DRC10: variants seen among roughly 807,000 people sequenced by gnomAD.
DRC10 encodes dynein regulatory complex subunit 10, also known as IQ domain-containing protein D.
the DRC10 span, among the ~76,000 whole-genome samples, chr12:113,212,702 T>TAA: frequency 8.5e-5 from 13 of 152,356 alleles, no homozygotes; most frequent in Non-Finnish European, 1.6e-4. Context: ...GTGAACAAGA[T>TAA]AAAGCCCGTG....
chr12:113,196,360 G>C, the DRC10 span, among the ~76,000 whole-genome samples: 6 of 149,734 alleles, frequency 4.0e-5, no homozygotes, highest in East Asian at 1.3e-3. Flanking sequence ...CAAGACACCA[G>C]AGGAGAAGGA....
chr12:113,218,799 T>C, the DRC10 span, among the ~76,000 whole-genome samples: 1 of 152,200 alleles, frequency 6.6e-6, no homozygotes, highest in African/African-American at 2.4e-5. Flanking sequence ...CAATTATTAG[T>C]ATTTCATTCC....
chr12:113,198,939 CTT>C, the DRC10 span, among the ~76,000 whole-genome samples: 3 of 148,112 alleles, frequency 2.0e-5, no homozygotes, highest in African/African-American at 4.9e-5. Flanking sequence ...AAAAATGATA[CTT>C]TTTTTTTTTC....
At chr12:113,212,658 G>C in the DRC10 span, among the ~76,000 whole-genome samples, 1 of 152,196 alleles carries the variant, frequency 6.6e-6, no homozygotes, top group South Asian at 2.1e-4. Context: ...CTTTGATTAT[G>C]ATGACACCCA....
At chr12:113,220,146 A>G in the DRC10 span, among the ~76,000 whole-genome samples, 1 of 151,972 alleles carries the variant, frequency 6.6e-6, no homozygotes, top group Non-Finnish European at 1.5e-5. Context: ...TAATCATCAC[A>G]AGAAACTCTC....
the DRC10 span, among the ~76,000 whole-genome samples, chr12:113,216,879 A>C: frequency 6.6e-6 from 1 of 152,048 alleles, no homozygotes; most frequent in African/African-American, 2.4e-5. Context: ...CCTGAGGTCA[A>C]GAGTTCGAGA....
the DRC10 span, among the ~76,000 whole-genome samples, chr12:113,206,472 G>A: frequency 6.6e-6 from 1 of 152,074 alleles, no homozygotes; most frequent in South Asian, 2.1e-4. Context: ...TACAGAATGT[G>A]AGGTCCTGTT....
At chr12:113,208,431 C>A in the DRC10 span, 1 of 1,148,642 alleles carries the variant, frequency 8.7e-7, no homozygotes, top group South Asian at 2.2e-5. Flanking sequence ...GTTAGGGCCA[C>A]AAGGGCAGGA....
At chr12:113,213,272 C>T in the DRC10 span, among the ~76,000 whole-genome samples, 6 of 146,766 alleles carry the variant, frequency 4.1e-5, no homozygotes, top group Non-Finnish European at 8.9e-5. Context: ...AATTTAGGTT[C>T]GGGTTACATG....
chr12:113,211,497 T>A, the DRC10 span, among the ~76,000 whole-genome samples: 2 of 152,248 alleles, frequency 1.3e-5, no homozygotes, highest in African/African-American at 4.8e-5. Context: ...GGTATCATGG[T>A]TCACGCCCGT....
At chr12:113,198,538 C>T in the DRC10 span, among the ~76,000 whole-genome samples, 1 of 152,248 alleles carries the variant, frequency 6.6e-6, no homozygotes, top group South Asian at 2.1e-4. Context: ...ACACAACGGC[C>T]ACAGAAGATT....
the DRC10 span, chr12:113,195,520 C>G: frequency 6.6e-7 from 1 of 1,508,294 alleles, no homozygotes; most frequent in Non-Finnish European, 8.9e-7. Context: ...CATCTCGGGC[C>G]TTCCTGGCCT....
chr12:113,206,687 G>A, the DRC10 span, among the ~76,000 whole-genome samples: 4 of 151,904 alleles, frequency 2.6e-5, no homozygotes, highest in East Asian at 1.9e-4. Context: ...CACAGGAGGC[G>A]GAGGTTGCAG....
the DRC10 span, chr12:113,200,565 T>C: frequency 1.9e-5 from 26 of 1,353,700 alleles, no homozygotes; most frequent in Non-Finnish European, 2.5e-5. Flanking sequence ...CCATCCTCGC[T>C]GCTTCCCGGG....
At chr12:113,203,560 C>T in the DRC10 span, among the ~76,000 whole-genome samples, 1 of 149,432 alleles carries the variant, frequency 6.7e-6, no homozygotes, top group African/African-American at 2.5e-5. Flanking sequence ...ACTGCAATCT[C>T]CACTTCCTGG....
chr12:113,221,089 G>GT, the DRC10 span: 16 of 445,942 alleles, frequency 3.6e-5, no homozygotes, highest in East Asian at 1.1e-3. Flanking sequence ...GCGAGACTCG[G>GT]TGTCTGACTG....
the DRC10 span, among the ~76,000 whole-genome samples, chr12:113,205,671 T>C: frequency 1.3e-4 from 19 of 141,382 alleles, no homozygotes; most frequent in East Asian, 8.8e-4. Context: ...GGGTGGATCA[T>C]GAGGTCAGGA....
At chr12:113,213,185 A>AC in the DRC10 span, among the ~76,000 whole-genome samples, 5 of 150,450 alleles carry the variant, frequency 3.3e-5, no homozygotes, top group Non-Finnish European at 7.4e-5. Context: ...CTAAAAAAAA[A>AC]AAAAAAAAAA....
At chr12:113,199,029 C>T in the DRC10 span, among the ~76,000 whole-genome samples, 1 of 151,704 alleles carries the variant, frequency 6.6e-6, no homozygotes, top group African/African-American at 2.4e-5. Context: ...CCCCCGCCTC[C>T]TGAGTTCAAG....
Sources: gnomAD v4.1 joint callset for allele counts (sites outside exome capture counted in the v4.1 genomes callset) on GRCh38, gnomAD v4.1.1 for gene constraint, MANE v1.5 for transcripts, NCBI Gene and HGNC (gene_info 2026-07-23, HGNC 2026-07-21) for gene names.